MTNR1B: variants seen among roughly 807,000 people sequenced by gnomAD.
The protein encoded by MTNR1B is melatonin receptor 1B, also known as melatonin receptor type 1B.
MTNR1B carries 7 observed loss-of-function variants against 7.0 expected under a neutral mutation model. The ratio of observed to expected loss-of-function variants is 1.00; its 90% CI spans 0.57 to 1.88. MTNR1B has a LOEUF of 1.88. MTNR1B is among the 40% of genes most tolerant of loss of function. MTNR1B has a pLI of 0.00. For missense variants in MTNR1B, 478 were observed against 486.5 expected, an observed-to-expected ratio of 0.98 and a Z score of 0.16; for synonymous variants, 226 against 208.2, an observed-to-expected ratio of 1.09 and a Z score of -0.74.
chr11:92,971,405 T>C (rs1049950480), intron 1 of MTNR1B, among the ~76,000 whole-genome samples: 7 of 152,212 alleles, frequency 4.6e-5, no homozygotes, highest in Admixed American at 3.3e-4. Flanking sequence ...CTGGAATACA[T>C]TGTTCAAAAT....
At chr11:92,978,328 T>C (rs941162380) in intron 1 of MTNR1B, among the ~76,000 whole-genome samples, 3 of 152,176 alleles carry the variant, frequency 2.0e-5, no homozygotes, top group Admixed American at 2.0e-4. Flanking sequence ...GTTGTGTGTG[T>C]GAAAGGATGC....
rs1183900439 is a variant in MTNR1B, at chr11:92,969,812, G to A, written c.87G>A (p.Arg29=). The change falls in exon 1 of 2, where the codon CGG becomes CGA. Residue 29 remains arginine, a synonymous_variant. Transcript: ENST00000257068. ...RPGWSGAGSA[R]PSRTPRPPWV... is the part of the protein sequence containing the mutation. ...GCTGGTCGGGGGCTGGCAGCGCGCG[G>A]CCCTCCAGGACCCCTCGACCTCCCT... 1.3e-6 allele frequency: 2 copies of A among 1,570,756 alleles called. No individual in the cohort carries two copies. The highest frequency in any genetic ancestry group is 2.4e-5 in the East Asian group (1 of 42,086).
chr11:92,982,189 C>T lies in MTNR1B; in HGVS notation c.966C>T (p.Ile322=), dbSNP rs1222481770. The T allele has an allele frequency of 1.2e-6, 2 of 1,614,228 alleles. No individual in the cohort carries two copies. The highest frequency in any genetic ancestry group is 4.5e-5 in the East Asian group (2 of 44,876). Residue 322 remains isoleucine, a synonymous_variant, in exon 2 of 2, where the codon ATC becomes ATT. Transcript: ENST00000257068. ...ACTTCCGCAGGGAATACAAGAGGAT[C>T]CTCTTGGCCCTTTGGAACCCACGGC... ...NQNFRREYKR[I]LLALWNPRHC...
Position 92,981,646 on chromosome 11 carries a change from C to T in MTNR1B, c.423C>T (p.Tyr141=). Residue 141 remains tyrosine (Y), a synonymous_variant, in exon 2 of 2, where the codon TAC becomes TAT. Transcript: ENST00000257068. ...ITAIAINRYC[Y]ICHSMAYHRI... Reference sequence around the variant, plus strand: ...CCATCGCCATTAACCGCTACTGCTACATCTGCCACAGCATGGCCTACCACC... The same window carrying T: ...CCATCGCCATTAACCGCTACTGCTATATCTGCCACAGCATGGCCTACCACC... The T allele has an allele frequency of 6.2e-7, 1 of 1,614,234 alleles. No individual in the cohort carries two copies. Among genetic ancestry groups the T allele is most frequent in the Non-Finnish European group, 8.5e-7 (1 of 1,180,048 alleles).
At chr11:92,980,341 G>T (rs3781638) in intron 1 of MTNR1B, among the ~76,000 whole-genome samples, 85,114 of 152,102 alleles carry the variant, frequency 0.56, 24,223 homozygotes, top group East Asian at 0.7. Flanking sequence ...CATACAGTAG[G>T]TATTCAAAAA....
chr11:92,978,605 G>A (rs2136514880), intron 1 of MTNR1B, among the ~76,000 whole-genome samples: 1 of 152,306 alleles, frequency 6.6e-6, no homozygotes, highest in South Asian at 2.1e-4. Context: ...CTTACAGATG[G>A]AAGACAAAAC....
At chr11:92,973,219 G>C (rs1220300633) in intron 1 of MTNR1B, among the ~76,000 whole-genome samples, 1 of 152,054 alleles carries the variant, frequency 6.6e-6, no homozygotes, top group Non-Finnish European at 1.5e-5. Context: ...ATGTCCTAAT[G>C]ATTTTACCTT....
rs531530857 is a variant in MTNR1B at position 92,980,558 on chromosome 11, A to C, written c.224-889A>C. ...GGGACTCCAGCTTAGAACATGCCTG[A>C]AGCATATTAATTGATGGGTGTATCA... On this transcript the variant is annotated intron_variant, in intron 1 of 1. Transcript: ENST00000257068. Among the ~76,000 whole-genome samples the C allele has an allele frequency of 5.3e-5, 8 of 152,328 alleles. No individual in the cohort carries two copies. The South Asian group carries it at 1.7e-3, about 32-fold the overall frequency.
At position 92,982,473 on chromosome 11, in the gene MTNR1B, C is replaced by T. The variant is rs961973828; in HGVS notation, c.*161C>T. 6 of 840,248 alleles carry T rather than the reference C, an allele frequency of 7.1e-6. No homozygotes were observed. Among genetic ancestry groups the T allele is most frequent in the East Asian group, 5.3e-5 (2 of 37,394 alleles). 52.0% of individuals were successfully genotyped at this position (840,248 alleles called of 1,614,324 possible). On this transcript the variant is annotated 3_prime_UTR_variant, in exon 2 of 2. Transcript: ENST00000257068. ...CATGCTGGGACAAGCAGCCCATCAA[C>T]GCCATGGGTTCAGGCTGATCCAGGA... is the stretch of plus-strand genomic sequence containing the variant.
intron 1 of MTNR1B, among the ~76,000 whole-genome samples, chr11:92,980,110 C>G (rs1172584543): frequency 6.6e-6 from 1 of 152,190 alleles, no homozygotes; most frequent in Non-Finnish European, 1.5e-5. Context: ...GCCTCTGTGG[C>G]AATGGGACAG....
At chr11:92,978,612 A>G (rs927235025) in intron 1 of MTNR1B, among the ~76,000 whole-genome samples, 3 of 152,238 alleles carry the variant, frequency 2.0e-5, no homozygotes, top group African/African-American at 7.2e-5. Flanking sequence ...ATGGAAGACA[A>G]AACACAAATT....
intron 1 of MTNR1B, among the ~76,000 whole-genome samples, chr11:92,980,400 C>T (rs972687986): frequency 1.3e-5 from 2 of 152,216 alleles, no homozygotes; most frequent in South Asian, 2.1e-4. Flanking sequence ...TGGAACTGCT[C>T]ACACTATGAG....
intron 1 of MTNR1B, among the ~76,000 whole-genome samples, chr11:92,976,576 C>A (rs1484796897): frequency 6.6e-6 from 1 of 152,180 alleles, no homozygotes; most frequent in Non-Finnish European, 1.5e-5. Flanking sequence ...TCCTAAGCGC[C>A]ACTCTCTATC....
chr11:92,983,488 G>C (rs996592367), downstream of MTNR1B, among the ~76,000 whole-genome samples: 8 of 150,778 alleles, frequency 5.3e-5, no homozygotes, highest in African/African-American at 2.0e-4. Flanking sequence ...ACCCCAGACT[G>C]GGTGACAAAG....
At chr11:92,983,261 G>A (rs763909486), downstream of MTNR1B, among the ~76,000 whole-genome samples, 2 of 152,244 alleles carry the variant, frequency 1.3e-5, no homozygotes, top group South Asian at 4.1e-4. Flanking sequence ...TACAAAGAAA[G>A]GAAGGGCTAT....
At chr11:92,972,464 T>C in intron 1 of MTNR1B, 1 of 455,934 alleles carries the variant, frequency 2.2e-6, no homozygotes, top group East Asian at 7.0e-5. Context: ...TTTTCAGGGA[T>C]ATCCTATCTG....
At chr11:92,971,336 CAT>C (rs1406015415) in intron 1 of MTNR1B, among the ~76,000 whole-genome samples, 1 of 152,008 alleles carries the variant, frequency 6.6e-6, no homozygotes, top group African/African-American at 2.4e-5. Context: ...ATATGGGAAA[CAT>C]AACATTATTA....
chr11:92,981,817 C>T lies in MTNR1B; in HGVS notation c.594C>T (p.Thr198=), dbSNP rs770524984. 1.2e-6 allele frequency: 2 copies of T among 1,614,196 alleles called. No individual in the cohort carries two copies. Among genetic ancestry groups the T allele is most frequent in the South Asian group, 2.2e-5 (2 of 91,090 alleles). The part of the protein sequence containing the change: ...YSCTFIQTAS[T]QYTAAVVVIH... Reference sequence around the variant, plus strand: ...GCACCTTCATCCAGACCGCCAGCACCCAGTACACGGCGGCAGTGGTGGTCA... The same window carrying T: ...GCACCTTCATCCAGACCGCCAGCACTCAGTACACGGCGGCAGTGGTGGTCA... The change falls in exon 2 of 2, where the codon ACC becomes ACT. Residue 198 remains threonine, a synonymous_variant. Coordinates refer to ENST00000257068, the MANE Select transcript of MTNR1B (RefSeq NM_005959.5).
intron 1 of MTNR1B, among the ~76,000 whole-genome samples, chr11:92,975,933 A>G (rs1483294863): frequency 6.6e-6 from 1 of 152,208 alleles, no homozygotes; most frequent in Non-Finnish European, 1.5e-5. Context: ...CAAACTGGGT[A>G]ACCTTGGACT....
Sources: allele counts gnomAD v4.1 joint callset (sites outside exome capture counted in the v4.1 genomes callset), GRCh38; gene constraint gnomAD v4.1.1; transcripts MANE v1.5; gene names NCBI Gene and HGNC (gene_info 2026-07-23, HGNC 2026-07-21).